The following CLMN variants were observed in gnomAD, a reference collection of about 807,000 sequenced individuals.
CLMN encodes calmin (calponin-like, transmembrane).
Under a neutral mutation model 92.7 loss-of-function variants are expected in CLMN, and 57 were observed. The observed-to-expected ratio is 0.61, with a 90% CI of 0.50 to 0.77. CLMN has a LOEUF of 0.77. CLMN is among the 30% of genes least tolerant of loss of function. The probability of loss-of-function intolerance (pLI) is 0.00; values close to 1 mark genes in which losing one functional copy is unlikely to be tolerated. For synonymous variants in CLMN, 466 were observed against 470.6 expected, an observed-to-expected ratio of 0.99 and a Z score of 0.13; for missense variants, 1,158 against 1,237.5, an observed-to-expected ratio of 0.94 and a Z score of 0.96.
chr14:95,197,265 G>C (rs1197158891), intron 9 of CLMN, among the ~76,000 whole-genome samples: 3 of 150,532 alleles, frequency 2.0e-5, no homozygotes, highest in African/African-American at 7.3e-5. Context: ...GGAAGAAGAA[G>C]AAAAGAGGAG....
chr14:95,200,339 A>C (rs1896841603), intron 9 of CLMN, among the ~76,000 whole-genome samples: 1 of 152,084 alleles, frequency 6.6e-6, no homozygotes, highest in Admixed American at 6.5e-5. Context: ...CCCGCATTAG[A>C]CACCGAAGGC....
In CLMN at chr14:95,189,430, T is replaced by G. The variant is rs575509395; in HGVS notation, c.*2134A>C. The G allele has an allele frequency of 6.6e-6, 1 of 152,364 alleles. No individual in the cohort carries two copies. The highest frequency in any genetic ancestry group is 2.1e-4 in the South Asian group (1 of 4,830). 9.4% of individuals were successfully genotyped at this position (152,364 alleles called of 1,614,324 possible). A position where few individuals can be genotyped will look rare whatever the true frequency, so the allele number is the denominator to read the frequency against. ...ACATCCATTTTCTATATCCAGCTTC[T>G]TCCATAGAAGCCTATACTCAAATGA... On this transcript the variant is annotated 3_prime_UTR_variant, in exon 13 of 13. Coordinates refer to ENST00000298912, the MANE Select transcript of CLMN (RefSeq NM_024734.4).
intron 1 of CLMN, among the ~76,000 whole-genome samples, chr14:95,277,246 T>C: frequency 6.6e-6 from 1 of 152,222 alleles, no homozygotes; most frequent in East Asian, 1.9e-4. Context: ...CACTCTGTCA[T>C]AAAAGGTGTG....
chr14:95,265,556 T>C (rs1025749775), intron 1 of CLMN, among the ~76,000 whole-genome samples: 2 of 152,202 alleles, frequency 1.3e-5, no homozygotes, highest in Admixed American at 6.5e-5. Flanking sequence ...CTAATATGCA[T>C]AGGTATGACT....
chr14:95,270,066 C>T (rs1899646058), intron 1 of CLMN, among the ~76,000 whole-genome samples: 1 of 152,164 alleles, frequency 6.6e-6, no homozygotes. Context: ...AATGGCTTGG[C>T]CAGGGTCAGA....
chr14:95,201,172 A>AAT (rs752992909), intron 9 of CLMN, among the ~76,000 whole-genome samples: 52 of 150,450 alleles, frequency 3.5e-4, no homozygotes, highest in African/African-American at 7.8e-4. Context: ...AAAATTTAAA[A>AAT]ATATATATAT....
chr14:95,287,271 G>C (rs1357973923), intron 1 of CLMN, among the ~76,000 whole-genome samples: 1 of 152,198 alleles, frequency 6.6e-6, no homozygotes, highest in Non-Finnish European at 1.5e-5. Flanking sequence ...CCCTCTGTCT[G>C]ATGGGAACTG....
chr14:95,203,139 G>C lies in CLMN; in HGVS notation c.2210C>G (p.Ala737Gly). 2.5e-6 allele frequency: 4 copies of C among 1,612,828 alleles called. No individual in the cohort carries two copies. The highest frequency in any genetic ancestry group is 3.4e-6 in the Non-Finnish European group (4 of 1,180,032). ...TTCTACATAAGCCTCCAAAACTGCA[G>C]CCAGGGGAACCTCATAGTGTGGGAA... ...FYFPHYEVPL[A>G]AVLEAYVEDP... is the part of the protein sequence containing the mutation. The change falls in exon 9 of 13, where the codon GCT becomes GGT. Residue 737 changes from alanine (A) to glycine (G), a missense_variant. By Grantham distance (60) the Ala-to-Gly change is moderately conservative. Coordinates refer to ENST00000298912, the MANE Select transcript of CLMN (RefSeq NM_024734.4).
intron 7 of CLMN, 141 bp downstream of exon 7, chr14:95,210,545 A>G (rs998224065): frequency 2.7e-6 from 2 of 740,206 alleles, no homozygotes; most frequent in African/African-American, 3.7e-5. Flanking sequence ...AAAAATATCC[A>G]TATGATCTGA....
intron 1 of CLMN, among the ~76,000 whole-genome samples, chr14:95,254,008 G>A (rs1898896250): frequency 6.6e-6 from 1 of 152,266 alleles, no homozygotes; most frequent in Admixed American, 6.5e-5. Context: ...AGCTCACTGT[G>A]GGCCAATTCT....
At chr14:95,198,146 T>C (rs1411031265) in intron 9 of CLMN, among the ~76,000 whole-genome samples, 2 of 147,708 alleles carry the variant, frequency 1.4e-5, no homozygotes, top group Non-Finnish European at 3.0e-5. Context: ...ACCTCCCAGG[T>C]TTAAGTGATT....
At chr14:95,251,508 T>C (rs531412885) in intron 1 of CLMN, among the ~76,000 whole-genome samples, 20 of 152,362 alleles carry the variant, frequency 1.3e-4, no homozygotes, top group Non-Finnish European at 1.8e-4. Flanking sequence ...AAAAAGGTCA[T>C]TGTATACCCT....
At chr14:95,286,589 T>G (rs1900351707) in intron 1 of CLMN, among the ~76,000 whole-genome samples, 1 of 152,262 alleles carries the variant, frequency 6.6e-6, no homozygotes, top group African/African-American at 2.4e-5. Flanking sequence ...TAAATCTTAC[T>G]GAATTACACA....
chr14:95,238,219 T>A (rs1898122565), intron 1 of CLMN, among the ~76,000 whole-genome samples: 1 of 152,200 alleles, frequency 6.6e-6, no homozygotes, highest in Non-Finnish European at 1.5e-5. Context: ...CCTTTCCCCA[T>A]CTTTCAACAC....
rs928950251 is a variant in CLMN at position 95,265,700 on chromosome 14, T to C, written c.83-35567A>G. 2.6e-5 allele frequency among the ~76,000 whole-genome samples: 4 copies of C among 152,186 alleles called. No individual in the cohort carries two copies. The East Asian group carries it at 7.7e-4, about 29-fold the overall frequency. On this transcript the variant is annotated intron_variant, in intron 1 of 12. Coordinates refer to ENST00000298912, the MANE Select transcript of CLMN (RefSeq NM_024734.4). The stretch of plus-strand genomic sequence containing the variant: ...GTGAGTCATATTCCGAGCAGCTGGC[T>C]AGGATCAGAAGAAACAAGGCATTCT...
At chr14:95,250,611 TCA>T (rs1898743344) in intron 1 of CLMN, among the ~76,000 whole-genome samples, 1 of 152,234 alleles carries the variant, frequency 6.6e-6, no homozygotes, top group African/African-American at 2.4e-5. Context: ...CATGCAGTGT[TCA>T]TAAATATTGG....
At chr14:95,217,575 G>A (rs187900365) in intron 4 of CLMN, among the ~76,000 whole-genome samples, 4 of 152,206 alleles carry the variant, frequency 2.6e-5, no homozygotes, top group Admixed American at 6.5e-5. Flanking sequence ...CATCACGAGC[G>A]CAAGTCCTGC....
At chr14:95,287,173 G>A (rs769815201) in intron 1 of CLMN, among the ~76,000 whole-genome samples, 3 of 152,132 alleles carry the variant, frequency 2.0e-5, no homozygotes, top group Admixed American at 6.5e-5. Context: ...TGCAAACCAG[G>A]GAAATCCTGT....
Position 95,194,367 on chromosome 14 carries a change from A to G in CLMN, c.2769+169T>C. 6.9e-7 allele frequency: 1 copy of G among 1,452,450 alleles called. No homozygotes were observed. The highest frequency in any genetic ancestry group is 9.1e-7 in the Non-Finnish European group (1 of 1,102,228). 90.0% of individuals were successfully genotyped at this position (1,452,450 alleles called of 1,614,324 possible). A position where few individuals can be genotyped will look rare whatever the true frequency, so the allele number is the denominator to read the frequency against. The stretch of plus-strand genomic sequence containing the variant: ...ACATCTCTTATTGCCCAAACCGGAT[A>G]TCCGATCGGACTGTGCTTAATGATA... On this transcript the variant is annotated intron_variant, in intron 11 of 12. Coordinates refer to ENST00000298912, the MANE Select transcript of CLMN (RefSeq NM_024734.4). The surrounding 1 kb of genome is among the most constrained non-coding windows in gnomAD (Gnocchi z 4.0).
Sources: gnomAD v4.1 joint callset for allele counts (sites outside exome capture counted in the v4.1 genomes callset) on GRCh38, gnomAD v4.1.1 for gene constraint, Gnocchi (gnomAD v3.1) non-coding constraint, MANE v1.5 for transcripts, NCBI Gene and HGNC (gene_info 2026-07-23, HGNC 2026-07-21) for gene names.